CPQ: variants seen among roughly 807,000 people sequenced by gnomAD.
CPQ encodes Ser-Met dipeptidase.
In CPQ, 37 loss-of-function variants were observed where a neutral mutation model predicts 45.7. The observed-to-expected ratio is 0.81, with a 90% confidence interval of 0.62 to 1.07. The LOEUF (loss-of-function observed/expected upper bound fraction) is 1.07, where lower values mean the gene tolerates loss of function less well. Among genes scored for constraint, CPQ ranks in the 50% least tolerant of loss-of-function variants. The pLI, the probability that CPQ is intolerant of heterozygous loss-of-function variation, is 0.00. For missense variants in CPQ, 537 were observed against 572.9 expected (o/e 0.94, Z 0.64); for synonymous variants, 186 against 205.8 (o/e 0.90, Z 0.82).
At chr8:96,694,337 T>TAA (rs550813171) in intron 1 of CPQ, among the ~76,000 whole-genome samples, 3,421 of 143,428 alleles carry the variant, frequency 0.024, 134 homozygotes, top group African/African-American at 0.082. Flanking sequence ...CTGAATGGTT[T>TAA]AAAAAAAAAA....
At chr8:96,832,966 G>A (rs1811479468) in intron 2 of CPQ, among the ~76,000 whole-genome samples, 1 of 152,118 alleles carries the variant, frequency 6.6e-6, no homozygotes, top group Admixed American at 6.5e-5. Flanking sequence ...GGGAGGGCCA[G>A]GGAGTAGAGA....
intron 5 of CPQ, among the ~76,000 whole-genome samples, chr8:96,971,031 A>G (rs972774691): frequency 1.3e-5 from 2 of 152,220 alleles, no homozygotes; most frequent in African/African-American, 2.4e-5. Context: ...ATTTGTAAAT[A>G]ACATTTGTTG....
chr8:96,916,845 T>C (rs999978038), intron 4 of CPQ, among the ~76,000 whole-genome samples: 1 of 152,090 alleles, frequency 6.6e-6, no homozygotes, highest in African/African-American at 2.4e-5. Flanking sequence ...ATGCTTCCGA[T>C]TGAGATTTGT....
rs1444924709 is a variant in CPQ, at chr8:97,122,301, T to TA, written c.1256-20713dup. Among the ~76,000 whole-genome samples the TA allele has an allele frequency of 1.1e-4, 17 of 152,124 alleles. 1 individual carries two copies. Among genetic ancestry groups the TA allele is most frequent in the Admixed American group, 8.5e-4 (13 of 15,278 alleles). ...CTCCAGAGAGTTGAAACACATTATATAAAAAAGAAAAAGATGAGAATAATC... is the reference window on the plus strand; with the variant it reads ...CTCCAGAGAGTTGAAACACATTATATAAAAAAAGAAAAAGATGAGAATAATC... On this transcript the variant is annotated intron_variant, in intron 7 of 7. Coordinates refer to ENST00000220763, the MANE Select transcript of CPQ (RefSeq NM_016134.4).
At chr8:97,023,022 A>ATATATACAGTATATATATAC (rs1329113925) in intron 5 of CPQ, among the ~76,000 whole-genome samples, 12 of 146,784 alleles carry the variant, frequency 8.2e-5, no homozygotes, top group Admixed American at 1.4e-4. Flanking sequence ...TATATAGTAT[A>ATATATACAGTATATATATAC]TATATACAGT....
At chr8:96,701,341 T>C (rs1809456654) in intron 1 of CPQ, among the ~76,000 whole-genome samples, 1 of 152,098 alleles carries the variant, frequency 6.6e-6, no homozygotes, top group Non-Finnish European at 1.5e-5. Flanking sequence ...CATATAGACC[T>C]CTGAAATGGG....
intron 2 of CPQ, among the ~76,000 whole-genome samples, chr8:96,802,774 A>G (rs1811023537): frequency 6.6e-6 from 1 of 152,170 alleles, no homozygotes; most frequent in Non-Finnish European, 1.5e-5. Flanking sequence ...TCAACCCAGT[A>G]TTTTTGAAGA....
intron 3 of CPQ, among the ~76,000 whole-genome samples, chr8:96,837,840 T>G (rs1217655611): frequency 1.3e-5 from 2 of 152,198 alleles, no homozygotes; most frequent in Non-Finnish European, 2.9e-5. Context: ...TTTCTCTTTC[T>G]GTGTCCATCA....
At chr8:96,696,430 T>G (rs1401170577) in intron 1 of CPQ, among the ~76,000 whole-genome samples, 1 of 150,058 alleles carries the variant, frequency 6.7e-6, no homozygotes, top group Non-Finnish European at 1.5e-5. Context: ...ACCCTAAAAC[T>G]TGAAGTATAA....
chr8:97,005,822 A>G (rs575639846), intron 5 of CPQ, among the ~76,000 whole-genome samples: 1 of 152,290 alleles, frequency 6.6e-6, no homozygotes, highest in African/African-American at 2.4e-5. Context: ...AGTTGTGCTA[A>G]TATCAGTTTG....
At chr8:96,871,816 T>C (rs1812072270) in intron 3 of CPQ, among the ~76,000 whole-genome samples, 1 of 151,932 alleles carries the variant, frequency 6.6e-6, no homozygotes, top group Non-Finnish European at 1.5e-5. Context: ...AGATGTCTTC[T>C]CTTTTGCCAC....
intron 1 of CPQ, among the ~76,000 whole-genome samples, chr8:96,747,968 A>G (rs1409369402): frequency 6.6e-6 from 1 of 152,226 alleles, no homozygotes; most frequent in Non-Finnish European, 1.5e-5. Flanking sequence ...ACAGACAGCA[A>G]TTACGGATTT....
At chr8:96,983,307 A>C (rs1442997454) in intron 5 of CPQ, among the ~76,000 whole-genome samples, 1 of 152,190 alleles carries the variant, frequency 6.6e-6, no homozygotes, top group Non-Finnish European at 1.5e-5. Flanking sequence ...TATACACTTA[A>C]GGCCATGCAT....
chr8:97,082,302 T>G (rs1810963445), intron 7 of CPQ, among the ~76,000 whole-genome samples: 4 of 152,182 alleles, frequency 2.6e-5, no homozygotes, highest in African/African-American at 9.6e-5. Flanking sequence ...ACATATCTTT[T>G]CAGCCTCTTT....
chr8:97,034,128 A>C (rs1302511414), intron 6 of CPQ, among the ~76,000 whole-genome samples: 1 of 152,176 alleles, frequency 6.6e-6, no homozygotes, highest in Non-Finnish European at 1.5e-5. Context: ...TTGTGTATAC[A>C]TTTTGAAATT....
At position 97,083,200 on chromosome 8, in the gene CPQ, T is replaced by C. The variant is rs137975873; in HGVS notation, c.1255+16990T>C. On this transcript the variant is annotated intron_variant, in intron 7 of 7. Coordinates refer to ENST00000220763, the MANE Select transcript of CPQ (RefSeq NM_016134.4). The stretch of plus-strand genomic sequence containing the variant: ...TGAATGTCAATTACACTCTGTACAG[T>C]TGACATTAAATAAGTGGTTTTCCAA... 1.4e-4 allele frequency among the ~76,000 whole-genome samples: 22 copies of C among 152,330 alleles called. No homozygotes were observed. The East Asian group carries it at 3.3e-3, about 23-fold the overall frequency.
chr8:97,005,593 A>T (rs1368212662), intron 5 of CPQ, among the ~76,000 whole-genome samples: 1 of 152,252 alleles, frequency 6.6e-6, no homozygotes, highest in Admixed American at 6.5e-5. Flanking sequence ...AATAGCCATC[A>T]AAAACAACTT....
chr8:96,819,472 A>G (rs1481395700), intron 2 of CPQ, among the ~76,000 whole-genome samples: 4 of 152,094 alleles, frequency 2.6e-5, no homozygotes, highest in Non-Finnish European at 4.4e-5. Flanking sequence ...AAAAGGAGTT[A>G]AATCAGGACT....
intron 5 of CPQ, among the ~76,000 whole-genome samples, chr8:96,970,398 T>C (rs891094414): frequency 1.3e-5 from 2 of 152,174 alleles, no homozygotes; most frequent in Non-Finnish European, 2.9e-5. Context: ...ACTGAGTACA[T>C]ATTCTCCTTT....
Sources: gnomAD v4.1 joint callset for allele counts (sites outside exome capture counted in the v4.1 genomes callset) on GRCh38, gnomAD v4.1.1 for gene constraint, MANE v1.5 for transcripts, NCBI Gene and HGNC (gene_info 2026-07-23, HGNC 2026-07-21) for gene names.